SRGAP3: variants seen among roughly 807,000 people sequenced by gnomAD.
SRGAP3 encodes the protein SLIT-ROBO Rho GTPase activating protein 3, also known as SLIT-ROBO Rho GTPase-activating protein 3.
A neutral mutation model predicts 121.1 loss-of-function variants in SRGAP3; 39 were observed. The ratio of observed to expected loss-of-function variants is 0.32; its 90% CI spans 0.25 to 0.42. The LOEUF is 0.42. SRGAP3 is among the 10% of genes least tolerant of loss of function. SRGAP3 has a pLI of 1.00. For synonymous variants in SRGAP3, 601 were observed against 570.0 expected (o/e 1.05, Z -0.77); for missense variants, 1,213 against 1,470.6 (o/e 0.82, Z 2.86).
chr3:9,010,350 C>T lies in SRGAP3; in HGVS notation c.2185G>A (p.Val729Ile), dbSNP rs1335341274. 1.2e-6 allele frequency: 2 copies of T among 1,614,138 alleles called. No homozygotes were observed. The highest frequency in any genetic ancestry group is 1.7e-6 in the Non-Finnish European group (2 of 1,180,028). The change falls in exon 18 of 22, where the codon GTT becomes ATT. Residue 729 changes from valine to isoleucine, a missense_variant. By Grantham distance (29) the Val-to-Ile change is conservative (BLOSUM62 3). Transcript: ENST00000383836. Reference protein sequence around the residue: ...PHSEPGAIDEVDHDNGTEPHT... With the variant: ...PHSEPGAIDEIDHDNGTEPHT... The stretch of plus-strand genomic sequence containing the variant: ...GGCTCAGTGCCATTGTCATGGTCAA[C>T]TTCATCGATGGCCCCTGGCTCGCTG...
rs147024981 is a variant in SRGAP3, at chr3:9,173,921, C to T, written c.68-49004G>A. Among the ~76,000 whole-genome samples, 129 of 152,252 alleles carry T rather than the reference C, an allele frequency of 8.5e-4. 2 individuals are homozygous for T. Among genetic ancestry groups the T allele is most frequent in the Non-Finnish European group, 3.8e-4 (26 of 67,984 alleles). On this transcript the variant is annotated intron_variant, in intron 1 of 21. Coordinates refer to ENST00000383836, the MANE Select transcript of SRGAP3 (RefSeq NM_014850.4). ...CTGCAGCCCAGCACAATGCCAGGCA[C>T]GTGATCATGCTCAAAAAGCACTTAT...
intron 1 of SRGAP3, among the ~76,000 whole-genome samples, chr3:9,190,082 TC>T (rs1951706958): frequency 6.6e-6 from 1 of 152,068 alleles, no homozygotes; most frequent in South Asian, 2.1e-4. Context: ...CCATCCAATA[TC>T]CCAGGACCAG....
At chr3:9,165,143 C>A (rs924299438) in intron 1 of SRGAP3, among the ~76,000 whole-genome samples, 1 of 152,230 alleles carries the variant, frequency 6.6e-6, no homozygotes, top group Non-Finnish European at 1.5e-5. Context: ...TCCAGTGCCA[C>A]ATTCAGAGGA....
At chr3:9,037,673 G>C (rs181804515) in intron 11 of SRGAP3, 5 of 298,152 alleles carry the variant, frequency 1.7e-5, no homozygotes, top group African/African-American at 1.1e-4. Flanking sequence ...AGCATGGCTG[G>C]GCAGTTTGCT....
chr3:8,987,435 A>G (rs1476019796), intron 21 of SRGAP3, among the ~76,000 whole-genome samples: 1 of 152,228 alleles, frequency 6.6e-6, no homozygotes, highest in Non-Finnish European at 1.5e-5. Flanking sequence ...AAATAAATAA[A>G]AAGTATGAGT....
rs554124947 is a variant in SRGAP3, at chr3:9,347,811, C to T, written n.214+15029G>A. Among the ~76,000 whole-genome samples the T allele has an allele frequency of 4.4e-4, 67 of 152,250 alleles. No homozygotes were observed. In the South Asian group the frequency reaches 0.011, roughly 25 times the overall value. ...ATGTGGAAATCTGATTTCCACCAGC[C>T]CAACTTGCACTTCGACAGGGATTCT... is the stretch of plus-strand genomic sequence containing the variant. On this transcript the variant is annotated intron_variant and non_coding_transcript_variant, in intron 1 of 3. Coordinates refer to the SRGAP3 transcript ENST00000490889.
At chr3:9,069,296 G>A (rs531798026) in intron 4 of SRGAP3, among the ~76,000 whole-genome samples, 2 of 152,152 alleles carry the variant, frequency 1.3e-5, no homozygotes, top group South Asian at 2.1e-4. Flanking sequence ...AGATCAGAAG[G>A]GGGTAGATGG....
chr3:9,261,276 C>G (rs1954250777), intron 3 of SRGAP3, among the ~76,000 whole-genome samples: 1 of 152,086 alleles, frequency 6.6e-6, no homozygotes, highest in Non-Finnish European at 1.5e-5. Flanking sequence ...ATTCCAAAAA[C>G]CAGAATGCCT....
chr3:9,313,161 C>T (rs889499028), intron 3 of SRGAP3, among the ~76,000 whole-genome samples: 1 of 152,180 alleles, frequency 6.6e-6, no homozygotes, highest in South Asian at 2.1e-4. Flanking sequence ...CTTCCTTGCT[C>T]AAACACTAAG....
At chr3:9,236,179 T>C (rs1272491082) in intron 1 of SRGAP3, 1 of 175,656 alleles carries the variant, frequency 5.7e-6, no homozygotes, top group Non-Finnish European at 1.2e-5. Context: ...CTGTCTTCTC[T>C]TCAGGTAATG....
chr3:9,017,467 T>C (rs1173532987), intron 14 of SRGAP3, among the ~76,000 whole-genome samples: 2 of 152,198 alleles, frequency 1.3e-5, no homozygotes, highest in South Asian at 2.1e-4. Context: ...GAGATTTCTT[T>C]CCAGGGCTTT....
chr3:9,229,842 G>A (rs1163555269), intron 1 of SRGAP3, among the ~76,000 whole-genome samples: 1 of 152,200 alleles, frequency 6.6e-6, no homozygotes, highest in African/African-American at 2.4e-5. Context: ...ATCCCCTCCT[G>A]CTAAGCGCTC....
chr3:9,099,960 G>A (rs528323445), intron 3 of SRGAP3, among the ~76,000 whole-genome samples: 3 of 152,348 alleles, frequency 2.0e-5, no homozygotes, highest in South Asian at 2.1e-4. Context: ...CAGAGACAGC[G>A]TGCCTAGGCT....
At chr3:9,066,955 AGCTGTGTGACCTTG>A (rs1946461434) in intron 4 of SRGAP3, among the ~76,000 whole-genome samples, 1 of 152,226 alleles carries the variant, frequency 6.6e-6, no homozygotes, top group Non-Finnish European at 1.5e-5. Flanking sequence ...CCCACTCCTT[AGCTGTGTGACCTTG>A]GACAAGTCAC....
intron 1 of SRGAP3, among the ~76,000 whole-genome samples, chr3:9,224,290 GC>G (rs1284158904): frequency 6.6e-6 from 1 of 152,204 alleles, no homozygotes; most frequent in Non-Finnish European, 1.5e-5. Context: ...CTAGGTAGCA[GC>G]CATGACATTC....
chr3:9,024,746 TA>T (rs1183127929), intron 14 of SRGAP3, among the ~76,000 whole-genome samples: 1 of 152,198 alleles, frequency 6.6e-6, no homozygotes, highest in Admixed American at 6.5e-5. Flanking sequence ...AAACACTGCA[TA>T]AAAAATTAAA....
At chr3:9,229,462 C>T (rs181634007) in intron 1 of SRGAP3, among the ~76,000 whole-genome samples, 117 of 152,252 alleles carry the variant, frequency 7.7e-4, no homozygotes, top group African/African-American at 2.5e-3. Context: ...GGACAGAGGC[C>T]GGCATGGCAA....
At chr3:9,251,425 C>T (rs944670110), upstream of SRGAP3, among the ~76,000 whole-genome samples, 1 of 152,196 alleles carries the variant, frequency 6.6e-6, no homozygotes, top group Non-Finnish European at 1.5e-5. Context: ...AAAAGCCCCA[C>T]GTTACCTGAG....
chr3:9,128,912 G>C (rs1949339383), intron 1 of SRGAP3, among the ~76,000 whole-genome samples: 1 of 152,192 alleles, frequency 6.6e-6, no homozygotes, highest in African/African-American at 2.4e-5. Flanking sequence ...GGTATTGATG[G>C]AGAGAGGGAA....
Sources: gnomAD v4.1 joint callset for allele counts (sites outside exome capture counted in the v4.1 genomes callset) on GRCh38, gnomAD v4.1.1 for gene constraint, MANE v1.5 for transcripts, NCBI Gene and HGNC (gene_info 2026-07-23, HGNC 2026-07-21) for gene names.